VRK2: variants seen among roughly 807,000 people sequenced by gnomAD.
VRK2 encodes the protein serine/threonine-protein kinase VRK2.
A neutral mutation model predicts 57.6 loss-of-function variants in VRK2; 60 were observed. The ratio of observed to expected loss-of-function variants is 1.04; its 90% CI spans 0.85 to 1.29. VRK2 has a LOEUF of 1.29. Ranked by LOEUF, VRK2 falls within the 50% of genes most tolerant of loss-of-function variation. The pLI, the probability that VRK2 is intolerant of heterozygous loss-of-function variation, is 0.00. For missense variants in VRK2, 705 were observed against 588.1 expected (o/e 1.20, Z -2.06); for synonymous variants, 231 against 199.2 (o/e 1.16, Z -1.35).
intron 12 of VRK2, among the ~76,000 whole-genome samples, chr2:58,147,966 GC>G: frequency 6.6e-6 from 1 of 151,826 alleles, no homozygotes; most frequent in South Asian, 2.1e-4. Flanking sequence ...GGACATTTGG[GC>G]TACTACTCAT....
chr2:58,109,652 T>C (rs2104402145), intron 7 of VRK2, among the ~76,000 whole-genome samples: 1 of 152,292 alleles, frequency 6.6e-6, no homozygotes, highest in African/African-American at 2.4e-5. Context: ...TCACTCACTA[T>C]CACAAGAACA....
intron 7 of VRK2, among the ~76,000 whole-genome samples, chr2:58,111,905 C>T (rs1158958790): frequency 6.6e-6 from 1 of 152,098 alleles, no homozygotes; most frequent in East Asian, 1.9e-4. Context: ...CTTTTATGAG[C>T]TCTGTGGGTC....
chr2:58,118,762 TTC>T (rs1455877206), intron 7 of VRK2, among the ~76,000 whole-genome samples: 97 of 152,324 alleles, frequency 6.4e-4, no homozygotes, highest in African/African-American at 2.2e-3. Flanking sequence ...GGCTGTTTAT[TTC>T]ACCTGGGTGC....
At chr2:57,922,755 ATTATAC>A (rs142530541) in intron 1 of VRK2, among the ~76,000 whole-genome samples, 42,352 of 151,300 alleles carry the variant, frequency 0.28, 6,588 homozygotes, top group African/African-American at 0.44. Context: ...AAACAATCCA[ATTATAC>A]TTATAGTTAT....
chr2:57,915,261 G>A (rs1463884717), intron 1 of VRK2, among the ~76,000 whole-genome samples: 1 of 152,058 alleles, frequency 6.6e-6, no homozygotes, highest in Non-Finnish European at 1.5e-5. Context: ...TTACAATAGT[G>A]AACTACACAT....
intron 1 of VRK2, among the ~76,000 whole-genome samples, chr2:57,937,358 C>CT (rs1670948314): frequency 6.6e-6 from 1 of 151,956 alleles, no homozygotes; most frequent in Admixed American, 6.6e-5. Flanking sequence ...TCTTTCTTTT[C>CT]TTTTTTCCTT....
intron 7 of VRK2, among the ~76,000 whole-genome samples, chr2:58,108,227 T>G (rs1466000573): frequency 6.6e-6 from 1 of 152,148 alleles, no homozygotes; most frequent in Admixed American, 6.6e-5. Context: ...TGTCTTTGAC[T>G]CTCTTTCTCT....
chr2:58,149,335 A>G (rs1388352295), intron 12 of VRK2, among the ~76,000 whole-genome samples: 1 of 151,604 alleles, frequency 6.6e-6, no homozygotes, highest in Non-Finnish European at 1.5e-5. Context: ...AATAGAATTT[A>G]TTTTCTATTT....
At chr2:58,041,479 T>C (rs1446120768) in intron 3 of VRK2, among the ~76,000 whole-genome samples, 1 of 152,114 alleles carries the variant, frequency 6.6e-6, no homozygotes, top group Non-Finnish European at 1.5e-5. Context: ...AGCATTAATA[T>C]TAAAGCACAG....
At chr2:58,002,620 C>T (rs1673124853) in intron 1 of VRK2, among the ~76,000 whole-genome samples, 1 of 151,808 alleles carries the variant, frequency 6.6e-6, no homozygotes, top group African/African-American at 2.4e-5. Context: ...ATATCTTTAT[C>T]CAAGCTCTAA....
chr2:58,093,069 C>G (rs1356865790), intron 7 of VRK2, among the ~76,000 whole-genome samples: 6 of 152,108 alleles, frequency 3.9e-5, no homozygotes, highest in Non-Finnish European at 7.4e-5. Flanking sequence ...ATCATTGATG[C>G]ACATTTGGGT....
chr2:58,117,751 G>C, intron 7 of VRK2, among the ~76,000 whole-genome samples: 1 of 152,042 alleles, frequency 6.6e-6, no homozygotes, highest in South Asian at 2.1e-4. Context: ...GGGGTCAAGC[G>C]GCATTGCAGA....
At chr2:58,116,997 A>T (rs1306675398) in intron 7 of VRK2, among the ~76,000 whole-genome samples, 1 of 152,076 alleles carries the variant, frequency 6.6e-6, no homozygotes, top group Non-Finnish European at 1.5e-5. Flanking sequence ...AGGAGTTGCA[A>T]CTTTTTTTTT....
chr2:58,159,021 G>A (rs1285423135), intron 12 of VRK2, among the ~76,000 whole-genome samples: 1 of 151,974 alleles, frequency 6.6e-6, no homozygotes, highest in Non-Finnish European at 1.5e-5. Context: ...TTAAGATTAA[G>A]CCCAATTTTT....
chr2:57,993,477 G>A (rs1330371185), intron 1 of VRK2, among the ~76,000 whole-genome samples: 10 of 149,040 alleles, frequency 6.7e-5, no homozygotes, highest in African/African-American at 2.5e-4. Flanking sequence ...TCCCTGCTCT[G>A]CTTTAAAAAA....
chr2:58,088,499 A>G, intron 6 of VRK2, 53 bp downstream of exon 6: 1 of 1,297,706 alleles, frequency 7.7e-7, no homozygotes, highest in Non-Finnish European at 1.1e-6. Context: ...ACTTCTTGCA[A>G]TATAGAAATC....
chr2:58,155,497 G>T (rs1683665852), intron 12 of VRK2, among the ~76,000 whole-genome samples: 1 of 150,182 alleles, frequency 6.7e-6, no homozygotes, highest in Non-Finnish European at 1.5e-5. Context: ...GTAGTCTCCT[G>T]GTGGGAAGGA....
chr2:58,153,794 T>C (rs1164415090), intron 12 of VRK2, among the ~76,000 whole-genome samples: 2 of 152,108 alleles, frequency 1.3e-5, no homozygotes, highest in East Asian at 1.9e-4. Flanking sequence ...CCTGTTTCTT[T>C]TTCACGTTTT....
At chr2:58,002,178 G>C (rs191368392) in intron 1 of VRK2, among the ~76,000 whole-genome samples, 365 of 152,248 alleles carry the variant, frequency 2.4e-3, no homozygotes, top group Admixed American at 5.6e-3. Flanking sequence ...AATCTCAAGA[G>C]ATATTTAAAA....
Sources: allele counts gnomAD v4.1 joint callset (sites outside exome capture counted in the v4.1 genomes callset), GRCh38; gene constraint gnomAD v4.1.1; transcripts MANE v1.5; gene names NCBI Gene and HGNC (gene_info 2026-07-23, HGNC 2026-07-21).